Variants in ADGRL3 observed in about 807,000 individuals in gnomAD.
ADGRL3 encodes adhesion G protein-coupled receptor L3, also known as calcium-independent alpha-latrotoxin receptor 3.
In ADGRL3, 62 loss-of-function variants were observed where a neutral mutation model predicts 153.5. That is an observed-to-expected ratio of 0.40 (90% CI 0.33 to 0.50). ADGRL3 has a LOEUF of 0.50. Ranked by LOEUF, ADGRL3 falls within the 20% of genes least tolerant of loss-of-function variation. The probability of loss-of-function intolerance (pLI) is 0.47; values close to 1 mark genes in which losing one functional copy is unlikely to be tolerated. For synonymous variants in ADGRL3, 710 were observed against 672.5 expected (o/e 1.06, Z -0.86); for missense variants, 1,641 against 1,859.4 (o/e 0.88, Z 2.16).
At chr4:61,545,137 T>C (rs2098707791) in intron 4 of ADGRL3, among the ~76,000 whole-genome samples, 1 of 152,202 alleles carries the variant, frequency 6.6e-6, no homozygotes, top group Admixed American at 6.5e-5. Context: ...CCTTAACATT[T>C]GTGGGACATA....
chr4:61,323,181 T>C (rs1021110073), intron 1 of ADGRL3, among the ~76,000 whole-genome samples: 2 of 152,130 alleles, frequency 1.3e-5, no homozygotes, highest in African/African-American at 4.8e-5. Flanking sequence ...AAGCAGGGCA[T>C]CAAGTCCCTA....
chr4:61,367,061 A>G (rs992696760), intron 1 of ADGRL3, among the ~76,000 whole-genome samples: 8 of 152,174 alleles, frequency 5.3e-5, no homozygotes, highest in Non-Finnish European at 1.2e-4. Context: ...CCTTTTATGT[A>G]ATTTAATTTG....
chr4:62,058,961 T>C, intron 25 of ADGRL3, among the ~76,000 whole-genome samples: 1 of 152,110 alleles, frequency 6.6e-6, no homozygotes, highest in East Asian at 1.9e-4. Context: ...AAAAGTAACT[T>C]TGCACATAAA....
chr4:61,507,412 A>T (rs545306226), intron 3 of ADGRL3, among the ~76,000 whole-genome samples: 228 of 152,288 alleles, frequency 1.5e-3, no homozygotes, highest in Middle Eastern at 3.4e-3. Flanking sequence ...AAAAACCACC[A>T]TGTCGATTTT....
At chr4:61,645,066 G>T (rs1362423163) in intron 5 of ADGRL3, among the ~76,000 whole-genome samples, 1 of 151,910 alleles carries the variant, frequency 6.6e-6, no homozygotes, top group Non-Finnish European at 1.5e-5. Context: ...TTTGATCTTT[G>T]TTGGTTTAAA....
rs147013479 is a variant in ADGRL3, at chr4:61,722,024, A to T, written c.584-8598A>T. ...TATAGTAATGAATCTAAAGATTTGG[A>T]TATCATTTAATTTGAGCCGATATTT... On this transcript the variant is annotated intron_variant, in intron 6 of 26. Transcript: ENST00000683033. Among the ~76,000 whole-genome samples, 440 of 152,310 alleles carry T rather than the reference A, an allele frequency of 2.9e-3. 4 individuals are homozygous for T. Among genetic ancestry groups the T allele is most frequent in the African/African-American group, 0.01 (418 of 41,584 alleles).
At chr4:61,902,576 A>G (rs2098670454) in intron 11 of ADGRL3, among the ~76,000 whole-genome samples, 1 of 152,116 alleles carries the variant, frequency 6.6e-6, no homozygotes, top group South Asian at 2.1e-4. Context: ...AACCAGAACT[A>G]CTTACTCTTC....
chr4:61,272,623 C>T (rs1407629527), intron 1 of ADGRL3, among the ~76,000 whole-genome samples: 3 of 152,054 alleles, frequency 2.0e-5, no homozygotes, highest in Admixed American at 2.0e-4. Flanking sequence ...TAGTAGGACT[C>T]TTCAGTGTGA....
At chr4:61,867,170 CAAACAA>C (rs1021347366) in intron 9 of ADGRL3, among the ~76,000 whole-genome samples, 2 of 151,742 alleles carry the variant, frequency 1.3e-5, no homozygotes, top group African/African-American at 4.8e-5. Flanking sequence ...TAGATTAAGC[CAAACAA>C]AAATTGGCAT....
intron 9 of ADGRL3, among the ~76,000 whole-genome samples, chr4:61,870,782 A>T (rs1272311081): frequency 6.6e-6 from 1 of 152,178 alleles, no homozygotes; most frequent in Non-Finnish European, 1.5e-5. Flanking sequence ...AATCAAAATG[A>T]CAGATAACTT....
At chr4:61,248,903 A>T (rs1286043496) in intron 1 of ADGRL3, among the ~76,000 whole-genome samples, 1 of 152,252 alleles carries the variant, frequency 6.6e-6, no homozygotes, top group Non-Finnish European at 1.5e-5. Context: ...TCACTACGTA[A>T]ATAATAGGTC....
intron 21 of ADGRL3, among the ~76,000 whole-genome samples, chr4:61,998,497 A>G (rs551563488): frequency 2.0e-5 from 3 of 152,108 alleles, no homozygotes; most frequent in East Asian, 1.9e-4. Context: ...TTGGAACATG[A>G]TAAGTTTTAA....
In ADGRL3 at chr4:62,077,197, T is replaced by C. The variant is rs1480612251; in HGVS notation, c.*6289T>C. On this transcript the variant is annotated 3_prime_UTR_variant, in exon 27 of 27. Transcript: ENST00000683033. ...GAAAGCGTTTGAAAGAAGAGGAAAG[T>C]AAAGCAGACTTCTAACTATTTAATT... is the stretch of plus-strand genomic sequence containing the variant. 6.6e-6 allele frequency: 1 copy of C among 151,942 alleles called. No individual in the cohort carries two copies. Among genetic ancestry groups the C allele is most frequent in the Non-Finnish European group, 1.5e-5 (1 of 67,872 alleles). 9.4% of individuals were successfully genotyped at this position (151,942 alleles called of 1,614,324 possible). A position where few individuals can be genotyped will look rare whatever the true frequency, so the allele number is the denominator to read the frequency against.
chr4:61,443,242 T>C (rs551576965), intron 2 of ADGRL3, among the ~76,000 whole-genome samples: 172 of 152,310 alleles, frequency 1.1e-3, no homozygotes, highest in African/African-American at 3.9e-3. Context: ...ATAGCTATGT[T>C]CTTTGCAAAT....
chr4:61,636,050 CA>C (rs1330309514), intron 5 of ADGRL3, among the ~76,000 whole-genome samples: 1 of 152,082 alleles, frequency 6.6e-6, no homozygotes, highest in African/African-American at 2.4e-5. Flanking sequence ...AGGACTTCAA[CA>C]TATGAATTTG....
rs533967322 is a variant in ADGRL3, at chr4:62,068,622, A to G, written c.3832+439A>G. Among the ~76,000 whole-genome samples, 26 of 152,296 alleles carry G rather than the reference A, an allele frequency of 1.7e-4. 1 individual carries two copies. In the South Asian group the frequency reaches 4.8e-3, roughly 28 times the overall value. ...GTTTCAATGCATCAGCCATCCAACCATAGCCATCAAGCATATCATAGCAGC... is the reference window on the plus strand; with the variant it reads ...GTTTCAATGCATCAGCCATCCAACCGTAGCCATCAAGCATATCATAGCAGC... On this transcript the variant is annotated intron_variant, in intron 26 of 26. Coordinates refer to ENST00000683033, the MANE Select transcript of ADGRL3 (RefSeq NM_001387552.1).
intron 9 of ADGRL3, among the ~76,000 whole-genome samples, chr4:61,849,178 G>A (rs189835069): frequency 3.3e-5 from 5 of 151,922 alleles, no homozygotes; most frequent in Non-Finnish European, 7.4e-5. Context: ...AAGTTCTATC[G>A]ATCCTTTGCT....
chr4:61,260,583 T>C (rs1178845264), intron 1 of ADGRL3, among the ~76,000 whole-genome samples: 1 of 152,184 alleles, frequency 6.6e-6, no homozygotes, highest in Non-Finnish European at 1.5e-5. Context: ...AAGAGTTAAG[T>C]AAGATAATAA....
intron 19 of ADGRL3, among the ~76,000 whole-genome samples, chr4:61,992,914 T>C (rs2150995956): frequency 6.6e-6 from 1 of 152,280 alleles, no homozygotes; most frequent in East Asian, 1.9e-4. Flanking sequence ...AAAATTCCCT[T>C]AGTCCAAGAC....
Sources: allele counts gnomAD v4.1 joint callset (sites outside exome capture counted in the v4.1 genomes callset), GRCh38; gene constraint gnomAD v4.1.1; transcripts MANE v1.5; gene names NCBI Gene and HGNC (gene_info 2026-07-23, HGNC 2026-07-21).